MAP4K4: variants seen among roughly 807,000 people sequenced by gnomAD.
MAP4K4 encodes the protein mitogen-activated protein kinase kinase kinase kinase 4.
A neutral mutation model predicts 189.6 loss-of-function variants in MAP4K4; 38 were observed. The ratio of observed to expected loss-of-function variants is 0.20; its 90% confidence interval spans 0.15 to 0.26. MAP4K4 has a LOEUF of 0.26. Ranked by LOEUF, MAP4K4 falls within the 10% of genes least tolerant of loss-of-function variation. The pLI is 1.00. For synonymous variants in MAP4K4, 610 were observed against 624.3 expected, an observed-to-expected ratio of 0.98 and a Z score of 0.34; for missense variants, 1,054 against 1,726.9, an observed-to-expected ratio of 0.61 and a Z score of 6.91.
At chr2:101,767,176 TTGACTATGA>T (rs2078986288) in intron 2 of MAP4K4, among the ~76,000 whole-genome samples, 2 of 152,190 alleles carry the variant, frequency 1.3e-5, no homozygotes, top group Non-Finnish European at 2.9e-5. Flanking sequence ...GAGGGATTTG[TTGACTATGA>T]AAAGGGGATA....
At chr2:101,777,877 G>A (rs1373677022) in intron 2 of MAP4K4, among the ~76,000 whole-genome samples, 1 of 152,196 alleles carries the variant, frequency 6.6e-6, no homozygotes, top group Non-Finnish European at 1.5e-5. Context: ...CTTGCAAGAA[G>A]TGAAGAGACT....
chr2:101,724,148 T>C (rs977818269), intron 2 of MAP4K4, among the ~76,000 whole-genome samples: 1 of 152,196 alleles, frequency 6.6e-6, no homozygotes. Context: ...ATGACTTATT[T>C]AAAAACGGTG....
intron 2 of MAP4K4, among the ~76,000 whole-genome samples, chr2:101,749,912 C>T (rs1255459464): frequency 1.9e-5 from 2 of 104,646 alleles, no homozygotes; most frequent in East Asian, 5.3e-4. Context: ...ATGAAAAATG[C>T]TCATCATCAC....
chr2:101,785,061 C>T (rs553439012), intron 2 of MAP4K4, among the ~76,000 whole-genome samples: 5 of 152,300 alleles, frequency 3.3e-5, no homozygotes, highest in East Asian at 1.9e-4. Flanking sequence ...TAATGCTCTC[C>T]GGTGTCACAG....
At chr2:101,763,875 T>A (rs186282880) in intron 2 of MAP4K4, among the ~76,000 whole-genome samples, 2 of 151,770 alleles carry the variant, frequency 1.3e-5, no homozygotes, top group African/African-American at 4.8e-5. Context: ...TAATCTGACT[T>A]AAAAAAAAAT....
exon 33 of MAP4K4, chr2:101,894,657 C>G (rs1233902058): frequency 1.3e-5 from 2 of 152,404 alleles, no homozygotes; most frequent in African/African-American, 4.8e-5. Flanking sequence ...TCCCCCCACC[C>G]TTTTTTCCTT....
intron 3 of MAP4K4, among the ~76,000 whole-genome samples, chr2:101,805,521 C>G (rs1447938988): frequency 6.6e-6 from 1 of 152,174 alleles, no homozygotes; most frequent in Admixed American, 6.5e-5. Flanking sequence ...TGATATAATA[C>G]TGGTTATGTG....
chr2:101,789,549 ATAGAGT>A (rs1558933624), intron 2 of MAP4K4, among the ~76,000 whole-genome samples: 1 of 152,190 alleles, frequency 6.6e-6, no homozygotes, highest in East Asian at 1.9e-4. Context: ...TGTCATTTTC[ATAGAGT>A]TGCTTTGTCC....
At chr2:101,840,972 G>T (rs2096899902) in intron 10 of MAP4K4, among the ~76,000 whole-genome samples, 2 of 152,140 alleles carry the variant, frequency 1.3e-5, no homozygotes, top group South Asian at 4.1e-4. Context: ...TTGAAAACAA[G>T]ACTTTTTTTC....
chr2:101,815,651 C>G (rs2095667853), intron 3 of MAP4K4, among the ~76,000 whole-genome samples: 1 of 152,016 alleles, frequency 6.6e-6, no homozygotes, highest in South Asian at 2.1e-4. Flanking sequence ...ACATACTTGA[C>G]CTTTGTTCTG....
chr2:101,829,866 T>C (rs988251540), intron 6 of MAP4K4: 24 of 301,192 alleles, frequency 8.0e-5, no homozygotes, highest in Non-Finnish European at 1.3e-4. Context: ...AGAACCTTAA[T>C]GGCTTCCTAT....
At chr2:101,725,406 AC>A (rs1203600029) in intron 2 of MAP4K4, among the ~76,000 whole-genome samples, 37 of 151,794 alleles carry the variant, frequency 2.4e-4, no homozygotes, top group Non-Finnish European at 4.3e-4. Context: ...AAAAACAAAA[AC>A]AAAAAAAAAC....
intron 2 of MAP4K4, among the ~76,000 whole-genome samples, chr2:101,744,675 A>G (rs80224842): frequency 0.066 from 10,028 of 152,080 alleles, 421 homozygotes; most frequent in African/African-American, 0.12. Context: ...CTTCTCTCCA[A>G]GAGACCTGCC....
At chr2:101,700,802 AAC>A (rs1355625503) in intron 2 of MAP4K4, among the ~76,000 whole-genome samples, 2 of 148,172 alleles carry the variant, frequency 1.3e-5, no homozygotes, top group Non-Finnish European at 1.5e-5. Context: ...TTTTTACTAT[AAC>A]AAGTTCTTTA....
At chr2:101,833,506 G>A (rs1490695919) in intron 7 of MAP4K4, among the ~76,000 whole-genome samples, 1 of 151,922 alleles carries the variant, frequency 6.6e-6, no homozygotes, top group African/African-American at 2.4e-5. Context: ...TGTAGTCCCA[G>A]CTACTCAGGA....
intron 13 of MAP4K4, among the ~76,000 whole-genome samples, chr2:101,857,696 C>CT (rs745672178): frequency 8.5e-5 from 13 of 152,166 alleles, no homozygotes; most frequent in Non-Finnish European, 1.6e-4. Context: ...AGCCTTCTGA[C>CT]TAAGTCCGCC....
At chr2:101,783,545 T>C (rs1420589490) in intron 2 of MAP4K4, among the ~76,000 whole-genome samples, 1 of 152,210 alleles carries the variant, frequency 6.6e-6, no homozygotes, top group Admixed American at 6.5e-5. Flanking sequence ...ACAGTTCTTA[T>C]GGCCTGGGAT....
chr2:101,757,476 A>G (rs1381118956), intron 2 of MAP4K4, among the ~76,000 whole-genome samples: 2 of 152,228 alleles, frequency 1.3e-5, no homozygotes, highest in East Asian at 3.8e-4. Flanking sequence ...CTGAACCCAG[A>G]TCACATTTTA....
chr2:101,792,830 C>T (rs1306573453), intron 3 of MAP4K4, among the ~76,000 whole-genome samples: 1 of 152,074 alleles, frequency 6.6e-6, no homozygotes, highest in Non-Finnish European at 1.5e-5. Flanking sequence ...GACAGGGTTT[C>T]ACCATATTGG....
Sources: gnomAD v4.1 joint callset for allele counts (sites outside exome capture counted in the v4.1 genomes callset) on GRCh38, gnomAD v4.1.1 for gene constraint, MANE v1.5 for transcripts, NCBI Gene and HGNC (gene_info 2026-07-23, HGNC 2026-07-21) for gene names.